Variants in ROBO1 observed in about 807,000 individuals in gnomAD.
The protein encoded by ROBO1 is roundabout guidance receptor 1, also known as roundabout homolog 1.
In ROBO1, 149 loss-of-function variants were observed where a neutral mutation model predicts 195.9. The ratio of observed to expected loss-of-function variants is 0.76; its 90% CI spans 0.67 to 0.87. ROBO1 has a LOEUF of 0.87. ROBO1 is among the 40% of genes least tolerant of loss of function. The pLI is 0.00. For missense variants in ROBO1, 1,933 were observed against 2,068.3 expected (o/e 0.93, Z 1.27); for synonymous variants, 816 against 733.2 (o/e 1.11, Z -1.82).
At position 79,395,343 on chromosome 3, in the gene ROBO1, A is replaced by AGAAG. The variant is rs1341495442; in HGVS notation, c.88+194480_88+194481insCTTC. On this transcript the variant is annotated intron_variant, in intron 2 of 30. Coordinates refer to ENST00000464233, the MANE Select transcript of ROBO1 (RefSeq NM_002941.4). ...TCTCAAAAAAAAAAAAAAAAAAAAA[A>AGAAG]GAAAGAAAGAAAGAAAGAAAGAACA... Among the ~76,000 whole-genome samples the AGAAG allele has an allele frequency of 1.5e-4, 18 of 119,108 alleles. No homozygotes were observed. The East Asian group carries it at 4.7e-3, about 31-fold the overall frequency. The allele number at this position is 119,108 out of a possible 152,430, so 78.1% of individuals were successfully genotyped here.
chr3:79,119,245 A>G (rs1394922155), intron 3 of ROBO1, among the ~76,000 whole-genome samples: 1 of 152,186 alleles, frequency 6.6e-6, no homozygotes, highest in Admixed American at 6.5e-5. Flanking sequence ...GACTCCAATT[A>G]TTGTTAGAGC....
Position 78,682,631 on chromosome 3 carries a change from TAATA to T in ROBO1, c.1342+3111_1342+3114del, listed in dbSNP as rs994570494. ...TTTTTGTTTATATATATTTGATATATAATAAATATTTTTTAATGTGACTGTGTAT... is the reference window on the plus strand; with the variant it reads ...TTTTTGTTTATATATATTTGATATATAATATTTTTTAATGTGACTGTGTAT... On this transcript the variant is annotated intron_variant, in intron 10 of 30. Coordinates refer to ENST00000464233, the MANE Select transcript of ROBO1 (RefSeq NM_002941.4). Among the ~76,000 whole-genome samples the T allele has an allele frequency of 2.0e-4, 30 of 147,678 alleles. No homozygotes were observed. In the South Asian group the frequency reaches 4.4e-3, roughly 22 times the overall value.
At chr3:79,757,503 C>CCATATATATATATATATATATATA (rs369407395) in intron 1 of ROBO1, among the ~76,000 whole-genome samples, 7 of 145,222 alleles carry the variant, frequency 4.8e-5, no homozygotes, top group African/African-American at 1.9e-4. Flanking sequence ...CTCTCTCTCT[C>CCATATATATATATATATATATATA]TCTCTCCATA....
At chr3:79,496,119 G>A (rs1258855515) in intron 2 of ROBO1, among the ~76,000 whole-genome samples, 2 of 146,748 alleles carry the variant, frequency 1.4e-5, no homozygotes, top group African/African-American at 2.5e-5. Context: ...AGGATGAGGA[G>A]TGAGAATATC....
At chr3:79,387,024 A>G (rs965458295) in intron 2 of ROBO1, among the ~76,000 whole-genome samples, 1 of 152,162 alleles carries the variant, frequency 6.6e-6, no homozygotes, top group Non-Finnish European at 1.5e-5. Context: ...ACTGGGGTAG[A>G]GTCACAATTT....
At chr3:78,695,625 C>CA (rs1172592248) in intron 8 of ROBO1, among the ~76,000 whole-genome samples, 1,047 of 54,144 alleles carry the variant, frequency 0.019, 20 homozygotes, top group African/African-American at 0.041. Context: ...ACTCTTGTCT[C>CA]AAAAAAAAAA....
chr3:78,655,198 A>AT (rs1706928930), intron 18 of ROBO1, among the ~76,000 whole-genome samples: 1 of 152,202 alleles, frequency 6.6e-6, no homozygotes, highest in African/African-American at 2.4e-5. Flanking sequence ...TAGTGGTAAC[A>AT]TGAGTGCAAA....
chr3:79,730,228 G>A (rs767360627), intron 1 of ROBO1, among the ~76,000 whole-genome samples: 9 of 152,098 alleles, frequency 5.9e-5, no homozygotes, highest in Non-Finnish European at 1.2e-4. Context: ...AAACACAGGT[G>A]TTTTCTCATA....
intron 1 of ROBO1, among the ~76,000 whole-genome samples, chr3:79,752,535 TA>T (rs1559556199): frequency 6.6e-6 from 1 of 152,006 alleles, no homozygotes; most frequent in East Asian, 1.9e-4. Flanking sequence ...GAAAAGAAAT[TA>T]GGTGAGGAAG....
chr3:79,235,835 T>C (rs1451967743), intron 2 of ROBO1, among the ~76,000 whole-genome samples: 1 of 152,142 alleles, frequency 6.6e-6, no homozygotes, highest in Non-Finnish European at 1.5e-5. Flanking sequence ...TACAAAAAGA[T>C]TTTTTGCAGT....
At position 79,113,915 on chromosome 3, in the gene ROBO1, C is replaced by T. The variant is rs138723300; in HGVS notation, c.172+11541G>A. Reference sequence around the variant, plus strand: ...TTATATGGTTTGGCTGCGTCCCCACCTAAATCTCACCTTCAATTGCAATAA... The same window carrying T: ...TTATATGGTTTGGCTGCGTCCCCACTTAAATCTCACCTTCAATTGCAATAA... On this transcript the variant is annotated intron_variant, in intron 3 of 30. Coordinates refer to ENST00000464233, the MANE Select transcript of ROBO1 (RefSeq NM_002941.4). Among the ~76,000 whole-genome samples the T allele has an allele frequency of 1.4e-4, 22 of 152,288 alleles. No homozygotes were observed. The East Asian group carries it at 4.1e-3, about 28-fold the overall frequency.
At chr3:79,061,151 AG>A (rs749215556) in intron 3 of ROBO1, among the ~76,000 whole-genome samples, 27 of 152,162 alleles carry the variant, frequency 1.8e-4, no homozygotes, top group Non-Finnish European at 7.4e-5. Context: ...ACTTCAGCAA[AG>A]TCTCAGGATA....
Position 78,938,626 on chromosome 3 carries a change from G to A in ROBO1, c.474C>T (p.Ser158=), listed in dbSNP as rs768279804. The change falls in exon 4 of 31, where the codon AGC becomes AGT. Residue 158 remains serine, a synonymous_variant. Coordinates refer to ENST00000464233, the MANE Select transcript of ROBO1 (RefSeq NM_002941.4). ...TGGCTACTTCCAGCGATGCATTGTG[G>A]CTCACAGCCTCTCCAAGGTAATTCC... The part of the protein sequence containing the change: ...VARNYLGEAV[S]HNASLEVAIL... 2 of 1,612,272 alleles carry A rather than the reference G, an allele frequency of 1.2e-6. No homozygotes were observed. Among genetic ancestry groups the A allele is most frequent in the Non-Finnish European group, 1.7e-6 (2 of 1,178,510 alleles).
intron 3 of ROBO1, among the ~76,000 whole-genome samples, chr3:78,991,468 T>C (rs937826995): frequency 7.2e-5 from 11 of 152,096 alleles, no homozygotes; most frequent in Non-Finnish European, 1.3e-4. Flanking sequence ...TCACTTGTCA[T>C]CCCCTCCCCA....
intron 3 of ROBO1, among the ~76,000 whole-genome samples, chr3:78,988,226 C>T (rs1342075977): frequency 1.3e-5 from 2 of 152,016 alleles, no homozygotes; most frequent in African/African-American, 2.4e-5. Flanking sequence ...ATTCGAAGTT[C>T]CCTTTTTGTC....
intron 2 of ROBO1, among the ~76,000 whole-genome samples, chr3:79,134,082 C>T (rs1212441319): frequency 4.1e-5 from 6 of 147,618 alleles, no homozygotes; most frequent in African/African-American, 1.5e-4. Context: ...AAAGAAACTA[C>T]CATCAGAGTG....
intron 2 of ROBO1, among the ~76,000 whole-genome samples, chr3:79,473,546 A>G (rs916450039): frequency 5.9e-5 from 9 of 152,062 alleles, no homozygotes; most frequent in Non-Finnish European, 1.3e-4. Flanking sequence ...TCTCAGCAGG[A>G]TACATCTTAT....
intron 1 of ROBO1, among the ~76,000 whole-genome samples, chr3:79,724,657 C>T (rs1490414623): frequency 6.6e-6 from 1 of 152,280 alleles, no homozygotes; most frequent in East Asian, 1.9e-4. Flanking sequence ...TTGCCAAAAA[C>T]TATGTGTTAG....
chr3:79,000,289 T>A (rs777210960), intron 3 of ROBO1, among the ~76,000 whole-genome samples: 1 of 152,132 alleles, frequency 6.6e-6, no homozygotes, highest in Non-Finnish European at 1.5e-5. Context: ...CTTGTAAATT[T>A]GTTTAAGTTC....
Sources: allele counts gnomAD v4.1 joint callset (sites outside exome capture counted in the v4.1 genomes callset), GRCh38; gene constraint gnomAD v4.1.1; transcripts MANE v1.5; gene names NCBI Gene and HGNC (gene_info 2026-07-23, HGNC 2026-07-21).